Variants in SLC25A22 observed in about 807,000 individuals in gnomAD.
SLC25A22 encodes mitochondrial glutamate carrier 1.
A neutral mutation model predicts 33.7 loss-of-function variants in SLC25A22; 23 were observed. That is an observed-to-expected ratio of 0.68 (90% CI 0.49 to 0.97). The LOEUF (loss-of-function observed/expected upper bound fraction) is 0.97. SLC25A22 is among the 50% of genes least tolerant of loss of function. The pLI is 0.00. For synonymous variants in SLC25A22, 245 were observed against 203.8 expected (o/e 1.20, Z -1.72); for missense variants, 390 against 451.1 (o/e 0.86, Z 1.23).
rs914938263 is a variant in SLC25A22 at position 794,787 on chromosome 11, C to T, written c.135G>A (p.Val45=). 6.3e-7 allele frequency: 1 copy of T among 1,598,266 alleles called. No homozygotes were observed. Among genetic ancestry groups the T allele is most frequent in the Non-Finnish European group, 8.5e-7 (1 of 1,174,088 alleles). The change falls in exon 3 of 10, where the codon GTG becomes GTA. Residue 45 remains valine (V), a synonymous_variant. Coordinates refer to ENST00000628067, the MANE Select transcript of SLC25A22 (RefSeq NM_001191061.2). ...CCCGGCACACTCACATGCTCGTGTACACGCGCTGGCCGTTCTGCTGGTTCT... is the reference window on the plus strand; with the variant it reads ...CCCGGCACACTCACATGCTCGTGTATACGCGCTGGCCGTTCTGCTGGTTCT... ...RLQNQQNGQR[V]YTSMSDCLIK...
At chr11:793,685 G>A in intron 4 of SLC25A22, 66 bp from the exon 5 acceptor site, 1 of 1,151,340 alleles carries the variant, frequency 8.7e-7, no homozygotes, top group Non-Finnish European at 1.3e-6. Context: ...GCTTGGCCAG[G>A]ACTTGCCTCC....
chr11:791,776 C>T lies in SLC25A22; in HGVS notation c.*139G>A. ...CTTGCGTGTGCACCACCTATGTGGA[C>T]CCTGCACCCTGCCCCCTGCTGCCCC... is the stretch of plus-strand genomic sequence containing the variant. On this transcript the variant is annotated 3_prime_UTR_variant, in exon 10 of 10. Transcript: ENST00000628067. 1 of 1,219,228 alleles carries T rather than the reference C, an allele frequency of 8.2e-7. No individual in the cohort carries two copies. Among genetic ancestry groups the T allele is most frequent in the Non-Finnish European group, 1.1e-6 (1 of 896,346 alleles). The allele number at this position is 1,219,228 out of a possible 1,614,324, so 75.5% of individuals were successfully genotyped here.
chr11:793,236 T>C (rs1037063318), intron 5 of SLC25A22, among the ~76,000 whole-genome samples: 1 of 151,970 alleles, frequency 6.6e-6, no homozygotes, highest in Non-Finnish European at 1.5e-5. Flanking sequence ...AAATGGGAAA[T>C]TGGGGGTCAA....
chr11:794,350 C>A (rs781478802), intron 4 of SLC25A22, 108 bp downstream of exon 4: 5 of 1,284,636 alleles, frequency 3.9e-6, no homozygotes, highest in Non-Finnish European at 3.3e-6. Flanking sequence ...CGCTCACACA[C>A]CAGGCCCAGG....
intron 1 of SLC25A22, chr11:795,424 G>A (rs1215448810): frequency 5.6e-5 from 21 of 372,568 alleles, no homozygotes; most frequent in Non-Finnish European, 7.7e-5. Context: ...GCTCACGCTC[G>A]GGGCTCACGT....
chr11:798,261 G>C lies in SLC25A22; in HGVS notation c.-208C>G, dbSNP rs1375888474. On this transcript the variant is annotated 5_prime_UTR_variant, in exon 1 of 10. Transcript: ENST00000628067. ...GCGCTCGCCTGCCCGCCCCGCGCTC[G>C]GCCAGCACCTAGGCGGGGAGGCGCG... is the stretch of plus-strand genomic sequence containing the variant. The C allele has an allele frequency of 1.3e-5, 5 of 386,742 alleles. No individual in the cohort carries two copies. The highest frequency in any genetic ancestry group is 2.3e-5 in the Non-Finnish European group (5 of 218,596). 24.0% of individuals were successfully genotyped at this position (386,742 alleles called of 1,614,324 possible).
At position 791,035 on chromosome 11, in the gene SLC25A22, C is replaced by G. The variant is rs1229797539; in HGVS notation, c.*880G>C. On this transcript the variant is annotated 3_prime_UTR_variant, in exon 10 of 10. Coordinates refer to ENST00000628067, the MANE Select transcript of SLC25A22 (RefSeq NM_001191061.2). ...GCCCTGCTCCCTGGCCAATCCCAGG[C>G]CAGGGTGGAGGACTCAGGAGAGACC... 6.6e-6 allele frequency: 1 copy of G among 152,324 alleles called. No individual in the cohort carries two copies. The highest frequency in any genetic ancestry group is 1.5e-5 in the Non-Finnish European group (1 of 68,118). 9.4% of individuals were successfully genotyped at this position (152,324 alleles called of 1,614,324 possible).
At chr11:793,815 C>T (rs746305747) in intron 4 of SLC25A22, 196 bp from the exon 5 acceptor site, 2 of 615,374 alleles carry the variant, frequency 3.3e-6, no homozygotes, top group Non-Finnish European at 5.8e-6. Context: ...ACCTCAGGCT[C>T]AGGCTCTCCC....
In SLC25A22 at chr11:792,177, G is replaced by C; in HGVS notation, c.783C>G (p.Asn261Lys). The part of the protein sequence containing the change: ...TRLQSLQRGV[N>K]EDTYSGILDC... ...CCAGGATCCCAGAGTAGGTGTCCTC[G>C]TTGACGCCTCGCTGAAGTGACTGGA... Residue 261 changes from asparagine to lysine, a missense_variant, in exon 9 of 10, where the codon AAC (asparagine) becomes AAG (lysine). Physicochemically the swap from Asn to Lys is moderately conservative, Grantham distance 94. Transcript: ENST00000628067. 1 of 1,612,894 alleles carries C rather than the reference G, an allele frequency of 6.2e-7. No individual in the cohort carries two copies. The highest frequency in any genetic ancestry group is 8.5e-7 in the Non-Finnish European group (1 of 1,179,874).
intron 1 of SLC25A22, 147 bp downstream of exon 1, chr11:798,070 G>C (rs1479088469): frequency 5.0e-6 from 2 of 398,186 alleles, no homozygotes; most frequent in African/African-American, 4.1e-5. Context: ...CGGAGCATCC[G>C]CTGGTCCAGG....
At chr11:798,045 A>AGAGCAGCCGCGGATCG in intron 1 of SLC25A22, 172 bp downstream of exon 1, 1 of 398,380 alleles carries the variant, frequency 2.5e-6, no homozygotes, top group East Asian at 3.6e-5. Flanking sequence ...GTCTCACGCC[A>AGAGCAGCCGCGGATCG]GAGCAGCCGC....
In SLC25A22 at chr11:791,718, T is replaced by A; in HGVS notation, c.*197A>T. Reference sequence around the variant, plus strand: ...TGCATTTTCTACATAAATGAGACATTGATCCCAACGGTGCAGGCAGCACCC... The same window carrying A: ...TGCATTTTCTACATAAATGAGACATAGATCCCAACGGTGCAGGCAGCACCC... On this transcript the variant is annotated 3_prime_UTR_variant, in exon 10 of 10. Transcript: ENST00000628067. The A allele has an allele frequency of 3.0e-6, 2 of 662,500 alleles. No homozygotes were observed. Among genetic ancestry groups the A allele is most frequent in the South Asian group, 3.9e-5 (2 of 51,500 alleles). The allele number at this position is 662,500 out of a possible 1,614,324, so 41.0% of individuals were successfully genotyped here.
At chr11:797,729 G>T (rs905681174) in intron 1 of SLC25A22, 13 of 398,652 alleles carry the variant, frequency 3.3e-5, no homozygotes, top group African/African-American at 2.3e-4. Flanking sequence ...GGAGGGTCCC[G>T]GAAGGGGACT....
In SLC25A22 at chr11:791,610, C is replaced by G. The variant is rs1864519817; in HGVS notation, c.*305G>C. On this transcript the variant is annotated 3_prime_UTR_variant, in exon 10 of 10. Transcript: ENST00000628067. ...CCGGCCCAGGCCCGGGGGCCCCCAG[C>G]CCAGAGACCAGCTCTGTCCCTGGGG... 2 of 452,624 alleles carry G rather than the reference C, an allele frequency of 4.4e-6. No individual in the cohort carries two copies. Among genetic ancestry groups the G allele is most frequent in the Non-Finnish European group, 8.0e-6 (2 of 250,220 alleles). The allele number at this position is 452,624 out of a possible 1,614,324, so 28.0% of individuals were successfully genotyped here.
At chr11:797,305 C>T (rs1449379686) in intron 1 of SLC25A22, among the ~76,000 whole-genome samples, 3 of 152,184 alleles carry the variant, frequency 2.0e-5, no homozygotes, top group African/African-American at 7.2e-5. Flanking sequence ...GAAGAACCGG[C>T]AGGGGTTCCC....
intron 5 of SLC25A22, 37 bp from the exon 6 acceptor site, chr11:793,025 A>T: frequency 6.3e-7 from 1 of 1,598,816 alleles, no homozygotes; most frequent in South Asian, 1.1e-5. Flanking sequence ...GTGGGAAGAG[A>T]CAGGTCTACC....
At chr11:796,271 G>A (rs956431928) in intron 1 of SLC25A22, 7 of 151,888 alleles carry the variant, frequency 4.6e-5, no homozygotes, top group East Asian at 3.9e-4. Context: ...GGGAGGAGGC[G>A]AGGGGCCGCA....
At chr11:797,930 C>G (rs574515024) in intron 1 of SLC25A22, 1 of 398,476 alleles carries the variant, frequency 2.5e-6, no homozygotes, top group Non-Finnish European at 4.4e-6. Context: ...CGTGTGCGTC[C>G]CACACGGGTC....
rs1461046318 is a variant in SLC25A22, at chr11:792,964, C to T, written c.318G>A (p.Glu106=). ...KDGQKLTLLK[E]MLAGCGAGTC... The stretch of plus-strand genomic sequence containing the variant: ...TGCCAGCCCCACAGCCCGCCAGCAT[C>T]TCTTTAAGCAGGGTCAGCTTCTGCC... Residue 106 remains glutamate, a synonymous_variant, in exon 6 of 10, where the codon GAG becomes GAA. Coordinates refer to ENST00000628067, the MANE Select transcript of SLC25A22 (RefSeq NM_001191061.2). 6.2e-7 allele frequency: 1 copy of T among 1,613,524 alleles called. No homozygotes were observed. The highest frequency in any genetic ancestry group is 1.6e-4 in the Middle Eastern group (1 of 6,062).
Sources: gnomAD v4.1 joint callset for allele counts (sites outside exome capture counted in the v4.1 genomes callset) on GRCh38, gnomAD v4.1.1 for gene constraint, MANE v1.5 for transcripts, NCBI Gene and HGNC (gene_info 2026-07-23, HGNC 2026-07-21) for gene names.